Variants in NEDD1 observed in about 807,000 individuals in gnomAD.
NEDD1 encodes protein NEDD1.
NEDD1 carries 33 observed loss-of-function variants against 74.0 expected under a neutral mutation model. The ratio of observed to expected loss-of-function variants is 0.45; its 90% CI spans 0.34 to 0.60. The LOEUF (loss-of-function observed/expected upper bound fraction) is 0.60. NEDD1 is among the 20% of genes least tolerant of loss of function. NEDD1 has a pLI of 0.01. For missense variants in NEDD1, 746 were observed against 776.5 expected (o/e 0.96, Z 0.47); for synonymous variants, 250 against 264.4 (o/e 0.95, Z 0.53).
At chr12:96,915,021 T>C (rs1310645907) in intron 4 of NEDD1, among the ~76,000 whole-genome samples, 2 of 152,218 alleles carry the variant, frequency 1.3e-5, no homozygotes, top group African/African-American at 2.4e-5. Flanking sequence ...TGATAGTTCT[T>C]AGCAAACTGT....
chr12:96,931,353 G>A (rs754863126), intron 6 of NEDD1, among the ~76,000 whole-genome samples: 3 of 152,070 alleles, frequency 2.0e-5, no homozygotes, highest in African/African-American at 7.2e-5. Flanking sequence ...CTGACAAAAA[G>A]CAAGGCAAAA....
At chr12:96,917,216 T>G (rs1874558092) in intron 4 of NEDD1, among the ~76,000 whole-genome samples, 1 of 152,168 alleles carries the variant, frequency 6.6e-6, no homozygotes, top group African/African-American at 2.4e-5. Context: ...TCTTTTAAAG[T>G]CTCTTCTATT....
chr12:96,941,540 C>T (rs1213518152), intron 10 of NEDD1, among the ~76,000 whole-genome samples: 3 of 151,914 alleles, frequency 2.0e-5, no homozygotes, highest in Admixed American at 6.6e-5. Context: ...AAAGGGTAAA[C>T]AGAGGGACGG....
chr12:96,913,797 G>A (rs965839628), intron 4 of NEDD1, among the ~76,000 whole-genome samples: 1 of 151,890 alleles, frequency 6.6e-6, no homozygotes, highest in African/African-American at 2.4e-5. Flanking sequence ...AAAAGATATG[G>A]TAGTTGATAG....
chr12:96,930,804 T>A (rs1876376710), intron 6 of NEDD1, among the ~76,000 whole-genome samples: 1 of 152,064 alleles, frequency 6.6e-6, no homozygotes, highest in African/African-American at 2.4e-5. Flanking sequence ...TCAGGCCTGC[T>A]TTTCTACATA....
chr12:96,907,422 G>C (rs1037125498), intron 1 of NEDD1, 122 bp downstream of exon 1: 3 of 532,848 alleles, frequency 5.6e-6, no homozygotes, highest in Non-Finnish European at 9.8e-6. Context: ...GGCTTTGCGC[G>C]CCCGGAGCGG....
At chr12:96,935,266 C>T in intron 7 of NEDD1, 61 bp downstream of exon 7, 1 of 1,017,510 alleles carries the variant, frequency 9.8e-7, no homozygotes, top group Non-Finnish European at 1.5e-6. Context: ...CATTAACAGG[C>T]ATATTTGTGA....
intron 6 of NEDD1, 101 bp from the exon 7 acceptor site, chr12:96,934,875 C>T (rs1216064887): frequency 2.6e-6 from 2 of 757,642 alleles, no homozygotes; most frequent in East Asian, 2.6e-5. Context: ...AAATCCTAAA[C>T]CCCATGTGAA....
intron 6 of NEDD1, among the ~76,000 whole-genome samples, chr12:96,931,791 A>G (rs901183341): frequency 6.6e-6 from 1 of 152,220 alleles, no homozygotes; most frequent in Non-Finnish European, 1.5e-5. Context: ...ACTCTACTGA[A>G]TACACAGAAG....
intron 6 of NEDD1, among the ~76,000 whole-genome samples, chr12:96,930,234 C>CTG (rs1192327646): frequency 7.9e-5 from 12 of 151,576 alleles, no homozygotes; most frequent in African/African-American, 2.9e-4. Flanking sequence ...CTCTCTCTCT[C>CTG]TCTCTCTCTC....
intron 6 of NEDD1, among the ~76,000 whole-genome samples, chr12:96,929,158 T>C (rs1184661276): frequency 6.6e-6 from 1 of 151,880 alleles, no homozygotes; most frequent in Non-Finnish European, 1.5e-5. Flanking sequence ...TTAAACTTTT[T>C]TGTTATTTCT....
chr12:96,919,946 T>C, intron 5 of NEDD1, 39 bp from the exon 6 acceptor site: 1 of 1,493,944 alleles, frequency 6.7e-7, no homozygotes, highest in Non-Finnish European at 9.2e-7. Context: ...TGTTCGAGGA[T>C]TATGGGGCAG....
chr12:96,938,829 TCTCTCTCA>T, intron 9 of NEDD1, among the ~76,000 whole-genome samples: 1 of 45,422 alleles, frequency 2.2e-5, no homozygotes, highest in South Asian at 9.3e-4. Context: ...ATTCTCTCTC[TCTCTCTCA>T]CACACACACA....
At chr12:96,950,630 A>C (rs754380181) in intron 14 of NEDD1, among the ~76,000 whole-genome samples, 3 of 152,004 alleles carry the variant, frequency 2.0e-5, no homozygotes, top group Non-Finnish European at 2.9e-5. Flanking sequence ...AAACATGCAC[A>C]ATGAAAACAT....
At chr12:96,909,617 C>T (rs1349640563) in intron 2 of NEDD1, 135 bp from the exon 3 acceptor site, 1 of 659,442 alleles carries the variant, frequency 1.5e-6, no homozygotes, top group East Asian at 2.8e-5. Context: ...ATCACTTCAA[C>T]TGCTTTGGTG....
At chr12:96,941,509 A>G (rs923507886) in intron 10 of NEDD1, among the ~76,000 whole-genome samples, 2 of 152,064 alleles carry the variant, frequency 1.3e-5, no homozygotes, top group African/African-American at 4.8e-5. Flanking sequence ...AGAGAAGTCG[A>G]ACTACATCAA....
At chr12:96,908,490 T>TC (rs1873558606) in intron 2 of NEDD1, among the ~76,000 whole-genome samples, 1 of 152,216 alleles carries the variant, frequency 6.6e-6, no homozygotes, top group Admixed American at 6.5e-5. Context: ...CATCTTTTTT[T>TC]CTCACTTATC....
chr12:96,915,400 C>T (rs1220808333), intron 4 of NEDD1, among the ~76,000 whole-genome samples: 1 of 152,092 alleles, frequency 6.6e-6, no homozygotes, highest in Admixed American at 6.5e-5. Context: ...ATCATATGCA[C>T]CCTTTAAAGA....
intron 7 of NEDD1, among the ~76,000 whole-genome samples, 192 bp from the exon 8 acceptor site, chr12:96,936,419 A>T (rs370879571): frequency 6.6e-6 from 1 of 152,356 alleles, no homozygotes; most frequent in South Asian, 2.1e-4. Context: ...GCAGTTCTCT[A>T]TATGCCATTT....
Sources: gnomAD v4.1 joint callset for allele counts (sites outside exome capture counted in the v4.1 genomes callset) on GRCh38, gnomAD v4.1.1 for gene constraint, MANE v1.5 for transcripts, NCBI Gene and HGNC (gene_info 2026-07-23, HGNC 2026-07-21) for gene names.